The following PSD3 variants were observed in gnomAD, a reference collection of about 807,000 sequenced individuals.
PSD3 encodes pleckstrin and Sec7 domain containing 3.
PSD3 carries 49 observed loss-of-function variants against 105.5 expected under a neutral mutation model. That is an observed-to-expected ratio of 0.46 (90% CI 0.37 to 0.59). The LOEUF (loss-of-function observed/expected upper bound fraction) is 0.59. PSD3 is among the 20% of genes least tolerant of loss of function. The pLI is 0.00. For synonymous variants in PSD3, 557 were observed against 457.8 expected, an observed-to-expected ratio of 1.22 and a Z score of -2.77; for missense variants, 1,561 against 1,263.8, an observed-to-expected ratio of 1.24 and a Z score of -3.57.
chr8:18,581,407 C>A (rs1281288260), intron 12 of PSD3, among the ~76,000 whole-genome samples: 1 of 152,074 alleles, frequency 6.6e-6, no homozygotes, highest in African/African-American at 2.4e-5. Context: ...AGAAAAAACA[C>A]AGATAGGAGT....
intron 1 of PSD3, among the ~76,000 whole-genome samples, chr8:18,953,078 A>C (rs1016669242): frequency 1.3e-5 from 2 of 152,366 alleles, no homozygotes; most frequent in African/African-American, 4.8e-5. Context: ...ACCATTTAAG[A>C]AACAGAAATA....
At chr8:18,903,864 T>G (rs1224733780) in intron 2 of PSD3, among the ~76,000 whole-genome samples, 1 of 151,928 alleles carries the variant, frequency 6.6e-6, no homozygotes, top group African/African-American at 2.4e-5. Context: ...AGGTGTGACT[T>G]CTCCGAGTAG....
intron 1 of PSD3, among the ~76,000 whole-genome samples, chr8:18,941,709 G>A (rs1265821518): frequency 8.5e-6 from 1 of 117,624 alleles, no homozygotes; most frequent in Non-Finnish European, 1.6e-5. Context: ...TTCTCACTCT[G>A]TCACCCAGGC....
intron 11 of PSD3, among the ~76,000 whole-genome samples, chr8:18,620,347 T>TTTCTG (rs1554524310): frequency 7.0e-6 from 1 of 143,498 alleles, no homozygotes; most frequent in African/African-American, 2.6e-5. Flanking sequence ...TTTGTGTTTT[T>TTTCTG]TTTTTTTTTT....
chr8:18,745,170 T>A (rs888281889), intron 9 of PSD3, among the ~76,000 whole-genome samples: 4 of 152,202 alleles, frequency 2.6e-5, no homozygotes, highest in African/African-American at 9.6e-5. Context: ...CCCCTCATAA[T>A]GAATAAATAT....
At chr8:18,675,941 G>A (rs936680317) in intron 9 of PSD3, among the ~76,000 whole-genome samples, 1 of 152,054 alleles carries the variant, frequency 6.6e-6, no homozygotes. Flanking sequence ...CTCTAAGCCA[G>A]GCATGATCTA....
At chr8:18,697,661 A>T (rs1801334712) in intron 9 of PSD3, among the ~76,000 whole-genome samples, 1 of 152,202 alleles carries the variant, frequency 6.6e-6, no homozygotes, top group Non-Finnish European at 1.5e-5. Flanking sequence ...TAAAATCCCC[A>T]GAAGGTCCCA....
chr8:18,581,655 C>T (rs987350603), intron 12 of PSD3, among the ~76,000 whole-genome samples: 11 of 152,186 alleles, frequency 7.2e-5, no homozygotes, highest in African/African-American at 2.7e-4. Flanking sequence ...TTCACCTATA[C>T]ACTTGGTTTA....
intron 9 of PSD3, among the ~76,000 whole-genome samples, chr8:18,664,981 A>C (rs1054682839): frequency 3.3e-5 from 5 of 152,172 alleles, no homozygotes; most frequent in African/African-American, 1.2e-4. Flanking sequence ...TTCCTTTCAA[A>C]ATGTTACTGG....
At chr8:18,567,785 C>T (rs945781148) in intron 14 of PSD3, among the ~76,000 whole-genome samples, 2 of 152,108 alleles carry the variant, frequency 1.3e-5, no homozygotes, top group South Asian at 2.1e-4. Context: ...CCCATGACTC[C>T]ACCAAAATGT....
chr8:18,612,222 C>T (rs1306186099), intron 11 of PSD3, among the ~76,000 whole-genome samples: 2 of 152,208 alleles, frequency 1.3e-5, no homozygotes, highest in South Asian at 2.1e-4. Flanking sequence ...GGCCTCATTT[C>T]TCTGGAGTCC....
intron 12 of PSD3, among the ~76,000 whole-genome samples, chr8:18,589,415 C>T (rs1340327354): frequency 2.0e-5 from 3 of 152,146 alleles, no homozygotes; most frequent in East Asian, 1.9e-4. Flanking sequence ...TCTCTTTCTA[C>T]AAAGCCTATT....
At chr8:18,565,114 G>T (rs756000152) in intron 14 of PSD3, among the ~76,000 whole-genome samples, 10 of 152,096 alleles carry the variant, frequency 6.6e-5, no homozygotes, top group Non-Finnish European at 1.5e-4. Flanking sequence ...GAGTGGAAAA[G>T]AAACACACAT....
chr8:18,824,402 C>T (rs1010820834), intron 4 of PSD3, among the ~76,000 whole-genome samples: 1 of 152,140 alleles, frequency 6.6e-6, no homozygotes, highest in African/African-American at 2.4e-5. Context: ...GTTCAGGTCT[C>T]AGCTCTAAAT....
At chr8:18,968,726 A>T (rs943131730) in intron 1 of PSD3, among the ~76,000 whole-genome samples, 10 of 152,040 alleles carry the variant, frequency 6.6e-5, no homozygotes, top group Non-Finnish European at 1.5e-4. Flanking sequence ...AATACAAAAA[A>T]TTAGCTGGGT....
intron 9 of PSD3, among the ~76,000 whole-genome samples, chr8:18,687,186 G>A (rs1257965243): frequency 6.6e-6 from 1 of 152,154 alleles, no homozygotes; most frequent in Non-Finnish European, 1.5e-5. Context: ...AATTCAGGAT[G>A]GGTGCAGTGG....
At chr8:19,026,701 C>CAG (rs1249052552) in intron 1 of PSD3, among the ~76,000 whole-genome samples, 3 of 82,246 alleles carry the variant, frequency 3.6e-5, no homozygotes, top group Non-Finnish European at 6.9e-5. Context: ...CACATCTCTA[C>CAG]AAAAAAAAAA....
chr8:19,073,550 CAAAAAAAAAAAAAAA>C (rs869154642), intron 1 of PSD3, among the ~76,000 whole-genome samples: 2 of 69,126 alleles, frequency 2.9e-5, no homozygotes, highest in African/African-American at 6.2e-5. Flanking sequence ...AACTGTCTCT[CAAAAAAAAAAAAAAA>C]AAAAAAAAAA....
intron 10 of PSD3, among the ~76,000 whole-genome samples, chr8:18,652,814 A>G (rs894675038): frequency 6.6e-6 from 1 of 152,078 alleles, no homozygotes; most frequent in Non-Finnish European, 1.5e-5. Flanking sequence ...CTCCTTTGCT[A>G]AAGGATCACA....
Sources: allele counts gnomAD v4.1 joint callset (sites outside exome capture counted in the v4.1 genomes callset), GRCh38; gene constraint gnomAD v4.1.1; transcripts MANE v1.5; gene names NCBI Gene and HGNC (gene_info 2026-07-23, HGNC 2026-07-21).